The following LIX1 variants were observed in gnomAD, a reference collection of about 807,000 sequenced individuals.
The protein encoded by LIX1 is limb and CNS expressed 1.
In LIX1, 24 loss-of-function variants were observed where a neutral mutation model predicts 33.4. The observed-to-expected ratio is 0.72, with a 90% confidence interval of 0.52 to 1.01. The LOEUF is 1.01. LIX1 is among the 50% of genes least tolerant of loss of function. The pLI is 0.00. For synonymous variants in LIX1, 124 were observed against 124.0 expected, an observed-to-expected ratio of 1.00 and a Z score of 0.00; for missense variants, 311 against 339.2, an observed-to-expected ratio of 0.92 and a Z score of 0.65.
At chr5:97,139,629 C>T (rs1343954979) in intron 1 of LIX1, among the ~76,000 whole-genome samples, 1 of 152,192 alleles carries the variant, frequency 6.6e-6, no homozygotes, top group Non-Finnish European at 1.5e-5. Flanking sequence ...GAGATTCTGC[C>T]TGGTAGTGTG....
intron 2 of LIX1, among the ~76,000 whole-genome samples, chr5:97,108,002 C>A (rs73775670): frequency 0.011 from 1,687 of 152,304 alleles, 25 homozygotes; most frequent in African/African-American, 0.039. Flanking sequence ...ATTAGTCTCT[C>A]TGCACCTCAA....
intron 5 of LIX1, among the ~76,000 whole-genome samples, chr5:97,095,244 T>C (rs1746319798): frequency 6.6e-6 from 1 of 152,200 alleles, no homozygotes; most frequent in South Asian, 2.1e-4. Context: ...CACTCCAGGT[T>C]GAGTCAAAAC....
chr5:97,124,429 A>G (rs368481016), intron 2 of LIX1, 37 bp downstream of exon 2: 38 of 1,551,378 alleles, frequency 2.4e-5, no homozygotes, highest in Middle Eastern at 1.7e-4. Flanking sequence ...TTTTAGCCCA[A>G]TGAACTTTCA....
chr5:97,099,981 T>C (rs971211036), intron 4 of LIX1, among the ~76,000 whole-genome samples: 8 of 152,234 alleles, frequency 5.3e-5, no homozygotes, highest in African/African-American at 1.7e-4. Flanking sequence ...TCTTGCATCC[T>C]TGTGGCCCAG....
intron 2 of LIX1, among the ~76,000 whole-genome samples, chr5:97,121,621 T>C (rs1747787371): frequency 2.0e-5 from 3 of 152,184 alleles, no homozygotes; most frequent in Non-Finnish European, 4.4e-5. Flanking sequence ...CTTGCTCCAT[T>C]TTAATAGCTG....
chr5:97,135,449 A>T (rs1318079925), intron 1 of LIX1, among the ~76,000 whole-genome samples: 3 of 152,334 alleles, frequency 2.0e-5, no homozygotes, highest in African/African-American at 7.2e-5. Flanking sequence ...TAGAAGCCTG[A>T]TGTACCCTAT....
rs373316440 is a variant in LIX1, at chr5:97,131,872, T to C, written c.83-7243A>G. Among the ~76,000 whole-genome samples, 3 of 152,308 alleles carry C rather than the reference T, an allele frequency of 2.0e-5. No individual in the cohort carries two copies. The East Asian group carries it at 5.8e-4, about 29-fold the overall frequency. ...CCATGGTGTTCAAACAACATGGGTG[T>C]ATTGGTGGCAACCATGTCTCAGCTG... On this transcript the variant is annotated intron_variant, in intron 1 of 5. Coordinates refer to ENST00000274382, the MANE Select transcript of LIX1 (RefSeq NM_153234.5).
rs770550710 is a variant in LIX1, at chr5:97,124,498, G to A, written c.214C>T (p.Leu72Phe). 23 of 1,607,026 alleles carry A rather than the reference G, an allele frequency of 1.4e-5. No individual in the cohort carries two copies. The highest frequency in any genetic ancestry group is 2.0e-5 in the Non-Finnish European group (23 of 1,175,960). ...PGPPFVSYVT[L>F]PGGSCFGNFQ... is the part of the protein sequence containing the mutation. ...TTGCCAAAACAGCTTCCCCCTGGGAGGGTCACGTAACTCACAAAGGGAGGC... is the reference window on the plus strand; with the variant it reads ...TTGCCAAAACAGCTTCCCCCTGGGAAGGTCACGTAACTCACAAAGGGAGGC... The change falls in exon 2 of 6, where the codon CTC (leucine) becomes TTC (phenylalanine). Residue 72 changes from leucine to phenylalanine, a missense_variant. Coordinates refer to ENST00000274382, the MANE Select transcript of LIX1 (RefSeq NM_153234.5).
intron 4 of LIX1, among the ~76,000 whole-genome samples, chr5:97,104,962 T>C (rs1342432121): frequency 6.6e-6 from 1 of 152,246 alleles, no homozygotes; most frequent in African/African-American, 2.4e-5. Context: ...TGTTTTACTT[T>C]CTTTTATAAA....
At chr5:97,132,934 A>T (rs1748088505) in intron 1 of LIX1, among the ~76,000 whole-genome samples, 1 of 152,196 alleles carries the variant, frequency 6.6e-6, no homozygotes, top group South Asian at 2.1e-4. Flanking sequence ...TCAGAGAAGG[A>T]CATCAGTAAT....
At chr5:97,135,811 T>A (rs1170791513) in intron 1 of LIX1, among the ~76,000 whole-genome samples, 2 of 152,130 alleles carry the variant, frequency 1.3e-5, no homozygotes, top group Non-Finnish European at 2.9e-5. Flanking sequence ...AGAGCGAGAC[T>A]CTGTCTCAAA....
chr5:97,137,097 AACTC>A (rs1362484139), intron 1 of LIX1: 4 of 446,746 alleles, frequency 9.0e-6, no homozygotes, highest in African/African-American at 8.0e-5. Flanking sequence ...ATAACTTAGA[AACTC>A]ACCCTTATGC....
At chr5:97,108,473 C>A (rs1273989963) in intron 2 of LIX1, among the ~76,000 whole-genome samples, 1 of 152,186 alleles carries the variant, frequency 6.6e-6, no homozygotes, top group African/African-American at 2.4e-5. Flanking sequence ...TGCCTCTGAA[C>A]AACTAACAAC....
intron 2 of LIX1, among the ~76,000 whole-genome samples, chr5:97,108,684 G>C (rs1747203016): frequency 6.6e-6 from 1 of 152,064 alleles, no homozygotes; most frequent in Admixed American, 6.5e-5. Flanking sequence ...AGAAGTCCAG[G>C]CCTGGGTCCT....
intron 1 of LIX1, among the ~76,000 whole-genome samples, chr5:97,140,612 CCAGA>C (rs1254476783): frequency 6.6e-6 from 1 of 152,198 alleles, no homozygotes; most frequent in East Asian, 1.9e-4. Context: ...GGCATAGGCT[CCAGA>C]CAGACTTTTA....
chr5:97,117,162 C>A (rs976933581), intron 2 of LIX1, among the ~76,000 whole-genome samples: 1 of 152,096 alleles, frequency 6.6e-6, no homozygotes, highest in African/African-American at 2.4e-5. Context: ...CTAACCTTCC[C>A]GTCTTTGAGT....
chr5:97,119,511 A>T (rs186616085), intron 2 of LIX1, among the ~76,000 whole-genome samples: 34 of 152,296 alleles, frequency 2.2e-4, no homozygotes, highest in African/African-American at 7.7e-4. Context: ...TGGAGGGCCA[A>T]ATGGGTGAAG....
At chr5:97,118,829 C>T (rs907404992) in intron 2 of LIX1, among the ~76,000 whole-genome samples, 2 of 151,248 alleles carry the variant, frequency 1.3e-5, no homozygotes, top group African/African-American at 2.4e-5. Flanking sequence ...TGGCTGCTTT[C>T]TCTCTCTCTC....
intron 3 of LIX1, 105 bp from the exon 4 acceptor site, chr5:97,105,390 A>T: frequency 1.2e-6 from 1 of 843,518 alleles, no homozygotes; most frequent in Admixed American, 2.3e-5. Flanking sequence ...TTTTTGGTCT[A>T]ACCTGAACAG....
Sources: allele counts gnomAD v4.1 joint callset (sites outside exome capture counted in the v4.1 genomes callset), GRCh38; gene constraint gnomAD v4.1.1; transcripts MANE v1.5; gene names NCBI Gene and HGNC (gene_info 2026-07-23, HGNC 2026-07-21).